Variants in PGM5 observed in about 807,000 individuals in gnomAD.
PGM5 encodes phosphoglucomutase-like protein 5.
A neutral mutation model predicts 59.2 loss-of-function variants in PGM5; 23 were observed. The observed-to-expected ratio is 0.39, with a 90% CI of 0.28 to 0.55. The LOEUF (loss-of-function observed/expected upper bound fraction) is 0.55, where lower values mean the gene tolerates loss of function less well. PGM5 is among the 20% of genes least tolerant of loss of function. The probability of loss-of-function intolerance (pLI) is 0.66; values close to 1 mark genes in which losing one functional copy is unlikely to be tolerated. For synonymous variants in PGM5, 214 were observed against 286.0 expected, an observed-to-expected ratio of 0.75 and a Z score of 2.54; for missense variants, 574 against 748.3, an observed-to-expected ratio of 0.77 and a Z score of 2.72.
Position 68,448,661 on chromosome 9 carries a change from T to C in PGM5, c.1044-16432T>C, listed in dbSNP as rs115278232. ...TTTTTGATAATCCTTCTTACGCCCA[T>C]TGGAATATAGTCCAGAGATCATTGT... is the stretch of plus-strand genomic sequence containing the variant. On this transcript the variant is annotated intron_variant, in intron 6 of 10. Transcript: ENST00000396396. Among the ~76,000 whole-genome samples the C allele has an allele frequency of 9.1e-3, 1,390 of 152,254 alleles. 15 individuals carry two copies. Among genetic ancestry groups the C allele is most frequent in the African/African-American group, 0.032 (1,350 of 41,544 alleles).
chr9:68,377,659 C>T (rs2131992139), intron 1 of PGM5, among the ~76,000 whole-genome samples: 1 of 152,334 alleles, frequency 6.6e-6, no homozygotes, highest in Non-Finnish European at 1.5e-5. Context: ...CATGCTGTCA[C>T]TTAACAGCAG....
intron 1 of PGM5, among the ~76,000 whole-genome samples, chr9:68,367,189 G>A (rs1414119978): frequency 2.0e-5 from 3 of 150,870 alleles, no homozygotes; most frequent in Non-Finnish European, 4.4e-5. Flanking sequence ...ACAACATAAA[G>A]GACTTTTTTG....
chr9:68,387,093 G>A (rs1822240292), intron 3 of PGM5, among the ~76,000 whole-genome samples: 1 of 151,942 alleles, frequency 6.6e-6, no homozygotes, highest in Admixed American at 6.6e-5. Context: ...AACTGGATAT[G>A]CCAAAATGCC....
chr9:68,491,267 C>A (rs572729542), intron 9 of PGM5, among the ~76,000 whole-genome samples: 18 of 152,252 alleles, frequency 1.2e-4, no homozygotes, highest in African/African-American at 4.1e-4. Flanking sequence ...GTGTGCATAG[C>A]GGGGGAAACT....
intron 6 of PGM5, among the ~76,000 whole-genome samples, chr9:68,407,072 T>C (rs1366153536): frequency 6.6e-6 from 1 of 152,170 alleles, no homozygotes; most frequent in African/African-American, 2.4e-5. Flanking sequence ...TAATTTTCTT[T>C]AGCTTTTTAA....
At chr9:68,386,021 G>T (rs1303313636) in intron 3 of PGM5, among the ~76,000 whole-genome samples, 1 of 151,526 alleles carries the variant, frequency 6.6e-6, no homozygotes, top group South Asian at 2.1e-4. Flanking sequence ...TGAACTATAT[G>T]ATGTGAACTT....
chr9:68,431,136 G>A (rs903912727), intron 6 of PGM5, among the ~76,000 whole-genome samples: 5 of 152,186 alleles, frequency 3.3e-5, no homozygotes, highest in African/African-American at 1.2e-4. Flanking sequence ...CGCATTAAAA[G>A]AGATTCAATT....
chr9:68,364,161 T>C (rs4126730), intron 1 of PGM5, among the ~76,000 whole-genome samples: 38,193 of 151,700 alleles, frequency 0.25, 5,773 homozygotes, highest in Admixed American at 0.34. Flanking sequence ...AATGTCTCAG[T>C]GTCTTGTGAA....
intron 7 of PGM5, among the ~76,000 whole-genome samples, chr9:68,471,458 G>A (rs1402667333): frequency 6.6e-6 from 1 of 152,042 alleles, no homozygotes; most frequent in Non-Finnish European, 1.5e-5. Flanking sequence ...AACCTTAAAA[G>A]CCACTGGAGA....
At chr9:68,444,722 T>C (rs1275004292) in intron 6 of PGM5, among the ~76,000 whole-genome samples, 1 of 152,162 alleles carries the variant, frequency 6.6e-6, no homozygotes, top group Non-Finnish European at 1.5e-5. Context: ...TGGTCTCTTG[T>C]CTTCAGCAGG....
intron 6 of PGM5, among the ~76,000 whole-genome samples, chr9:68,444,626 G>A (rs763439822): frequency 1.3e-5 from 2 of 149,400 alleles, no homozygotes; most frequent in African/African-American, 5.2e-5. Flanking sequence ...GAGTTGAGTC[G>A]CATGCCCACT....
intron 6 of PGM5, among the ~76,000 whole-genome samples, chr9:68,408,868 C>G (rs1312907739): frequency 3.3e-5 from 5 of 151,940 alleles, no homozygotes; most frequent in African/African-American, 1.2e-4. Context: ...TCAGGTTTGT[C>G]AAAGATCAGA....
intron 9 of PGM5, among the ~76,000 whole-genome samples, chr9:68,492,528 A>G (rs1181738265): frequency 1.3e-5 from 2 of 152,236 alleles, no homozygotes; most frequent in African/African-American, 2.4e-5. Context: ...TGCTCCCAAG[A>G]GCAGGGCAGC....
At chr9:68,434,172 C>G (rs1261451631) in intron 6 of PGM5, among the ~76,000 whole-genome samples, 1 of 151,490 alleles carries the variant, frequency 6.6e-6, no homozygotes, top group African/African-American at 2.4e-5. Flanking sequence ...CAAAAATTAG[C>G]TGTGCATGGT....
chr9:68,526,042 T>C (rs929285520), intron 10 of PGM5, among the ~76,000 whole-genome samples: 2 of 148,770 alleles, frequency 1.3e-5, no homozygotes, highest in African/African-American at 2.5e-5. Flanking sequence ...GGCGACAGAG[T>C]GAGACTCCTT....
At chr9:68,434,042 C>T (rs927312149) in intron 6 of PGM5, among the ~76,000 whole-genome samples, 4 of 152,142 alleles carry the variant, frequency 2.6e-5, no homozygotes, top group Non-Finnish European at 5.9e-5. Flanking sequence ...GTGGGCCAGA[C>T]GCAGTGGCTC....
rs550859876 is a variant in PGM5, at chr9:68,454,387, G to T, written c.1044-10706G>T. 7.4e-4 allele frequency among the ~76,000 whole-genome samples: 113 copies of T among 152,308 alleles called. No homozygotes were observed. In the East Asian group the frequency reaches 0.012, roughly 16 times the overall value. Reference sequence around the variant, plus strand: ...CAGTTTTGAGTGTGCCATCAATTCTGTTGGGGACCTCATTGATACAAGGAG... The same window carrying T: ...CAGTTTTGAGTGTGCCATCAATTCTTTTGGGGACCTCATTGATACAAGGAG... On this transcript the variant is annotated intron_variant, in intron 6 of 10. Transcript: ENST00000396396.
At chr9:68,515,909 A>AATG (rs1181877336) in intron 10 of PGM5, among the ~76,000 whole-genome samples, 1 of 152,196 alleles carries the variant, frequency 6.6e-6, no homozygotes, top group African/African-American at 2.4e-5. Context: ...TTCTGTCTTC[A>AATG]ATGATGATGA....
rs183185461 is a variant in PGM5 at position 68,466,222 on chromosome 9, A to G, written c.1159+1014A>G. 8.6e-3 allele frequency: 10,874 copies of G among 1,266,796 alleles called. 99 individuals carry two copies. The highest frequency in any genetic ancestry group is 8.9e-3 in the Non-Finnish European group (8,671 of 976,564). The allele number at this position is 1,266,796 out of a possible 1,614,324, so 78.5% of individuals were successfully genotyped here. A position where few individuals can be genotyped will look rare whatever the true frequency, so the allele number is the denominator to read the frequency against. On this transcript the variant is annotated intron_variant, in intron 7 of 10. Transcript: ENST00000396396. Reference sequence around the variant, plus strand: ...CTGATTCTTTCCTTAGCTGTGTCCAATCTGCTGATGAGCCTGTTGAAGGAA... The same window carrying G: ...CTGATTCTTTCCTTAGCTGTGTCCAGTCTGCTGATGAGCCTGTTGAAGGAA...
Sources: gnomAD v4.1 joint callset for allele counts (sites outside exome capture counted in the v4.1 genomes callset) on GRCh38, gnomAD v4.1.1 for gene constraint, MANE v1.5 for transcripts, NCBI Gene and HGNC (gene_info 2026-07-23, HGNC 2026-07-21) for gene names.